GLDN: variants seen among roughly 807,000 people sequenced by gnomAD.
GLDN encodes gliomedin.
Under a neutral mutation model 56.5 loss-of-function variants are expected in GLDN, and 47 were observed. That is an observed-to-expected ratio of 0.83 (90% CI 0.66 to 1.06). The LOEUF (loss-of-function observed/expected upper bound fraction) is 1.06, where lower values mean the gene tolerates loss of function less well. GLDN is among the 50% of genes least tolerant of loss of function. GLDN has a pLI of 0.00. For missense variants in GLDN, 782 were observed against 714.3 expected (o/e 1.09, Z -1.08); for synonymous variants, 332 against 278.8 (o/e 1.19, Z -1.90).
intron 1 of GLDN, chr15:51,377,239 A>G (rs563977142): frequency 9.0e-5 from 51 of 568,840 alleles, no homozygotes; most frequent in African/African-American, 8.8e-4. Flanking sequence ...TTGCAGCTCC[A>G]TTGTAATCTT....
chr15:51,402,799 G>A (rs931790859), intron 9 of GLDN, among the ~76,000 whole-genome samples: 4 of 152,118 alleles, frequency 2.6e-5, no homozygotes, highest in African/African-American at 4.8e-5. Context: ...CGTCAGCCGC[G>A]GCAGGAAGCA....
At chr15:51,399,471 A>G (rs1250475647) in intron 6 of GLDN, among the ~76,000 whole-genome samples, 1 of 152,100 alleles carries the variant, frequency 6.6e-6, no homozygotes, top group African/African-American at 2.4e-5. Flanking sequence ...CTCTTCACCA[A>G]AGGTCTAAAT....
intron 4 of GLDN, among the ~76,000 whole-genome samples, chr15:51,393,943 C>T (rs1276243136): frequency 6.6e-6 from 1 of 152,206 alleles, no homozygotes; most frequent in Admixed American, 6.5e-5. Context: ...CTTAAAGCAA[C>T]TTTACCTGTT....
chr15:51,411,452 CTT>C (rs942388212), downstream of GLDN, among the ~76,000 whole-genome samples: 9 of 152,120 alleles, frequency 5.9e-5, no homozygotes, highest in Non-Finnish European at 1.2e-4. Flanking sequence ...TTTGTGTAGA[CTT>C]TGTGGGCATT....
At chr15:51,355,813 A>G (rs12593535) in intron 1 of GLDN, among the ~76,000 whole-genome samples, 114,655 of 149,490 alleles carry the variant, frequency 0.77, 44,215 homozygotes, top group East Asian at 0.94. Context: ...GTGAGCCACC[A>G]CACCCGGCCC....
chr15:51,408,767 T>G (rs1362546719), downstream of GLDN, among the ~76,000 whole-genome samples: 1 of 152,052 alleles, frequency 6.6e-6, no homozygotes, highest in Non-Finnish European at 1.5e-5. Context: ...CACCTATGAG[T>G]GAGAACATGC....
At chr15:51,408,995 T>TG (rs1461104382), downstream of GLDN, among the ~76,000 whole-genome samples, 8 of 150,476 alleles carry the variant, frequency 5.3e-5, no homozygotes, top group Non-Finnish European at 1.0e-4. Flanking sequence ...TAAACATACG[T>TG]GTGCTTATTC....
chr15:51,349,128 A>G (rs938830217), intron 1 of GLDN, among the ~76,000 whole-genome samples: 11 of 152,262 alleles, frequency 7.2e-5, no homozygotes, highest in African/African-American at 2.7e-4. Flanking sequence ...AGCTGGATTA[A>G]GCAGTAACAC....
At chr15:51,383,346 G>A in intron 2 of GLDN, 90 bp from the exon 3 acceptor site, 1 of 1,362,316 alleles carries the variant, frequency 7.3e-7, no homozygotes, top group Non-Finnish European at 1.0e-6. Flanking sequence ...CTTAGGGTCA[G>A]TAGATAATTA....
At chr15:51,394,132 T>C (rs1200661316) in intron 4 of GLDN, among the ~76,000 whole-genome samples, 1 of 152,226 alleles carries the variant, frequency 6.6e-6, no homozygotes, top group African/African-American at 2.4e-5. Context: ...CTCCAATATG[T>C]TGTGAGGAAT....
chr15:51,383,161 C>G (rs184846488), intron 2 of GLDN, among the ~76,000 whole-genome samples: 10 of 152,318 alleles, frequency 6.6e-5, no homozygotes, highest in African/African-American at 2.4e-4. Context: ...ATTAGGTTGA[C>G]TGCTTGAGAG....
chr15:51,363,087 T>C (rs2037333106), intron 1 of GLDN, among the ~76,000 whole-genome samples: 1 of 152,154 alleles, frequency 6.6e-6, no homozygotes, highest in Non-Finnish European at 1.5e-5. Flanking sequence ...GAGTTCAGTT[T>C]TGAATGTTGT....
downstream of GLDN, among the ~76,000 whole-genome samples, chr15:51,410,744 T>A (rs913518812): frequency 1.1e-4 from 17 of 152,230 alleles, no homozygotes; most frequent in African/African-American, 3.9e-4. Context: ...AGTAAAAATA[T>A]GTCCCAGATA....
At chr15:51,397,425 C>T in intron 5 of GLDN, 45 bp from the exon 6 acceptor site, 1 of 1,049,146 alleles carries the variant, frequency 9.5e-7, no homozygotes, top group Non-Finnish European at 1.3e-6. Flanking sequence ...CTTCCCCCTT[C>T]TACCTCTTGC....
At position 51,400,391 on chromosome 15, in the gene GLDN, T is replaced by C. The variant is rs1351866065; in HGVS notation, c.920T>C (p.Ile307Thr). 2.5e-6 allele frequency: 4 copies of C among 1,614,170 alleles called. No individual in the cohort carries two copies. The highest frequency in any genetic ancestry group is 3.4e-6 in the Non-Finnish European group (4 of 1,180,006). The change falls in exon 8 of 10, where the codon ATT becomes ACT. Residue 307 changes from isoleucine to threonine, a missense_variant. By Grantham distance (89) the Ile-to-Thr change is moderately conservative (BLOSUM62 -1). Transcript: ENST00000335449. ...TTGGCAGAATCCATGATCACTTCCA[T>C]TGGAAACCCAGTGCAAGTACTGAAA... ...SPQAESMITS[I>T]GNPVQVLKVT...
intron 1 of GLDN, among the ~76,000 whole-genome samples, chr15:51,342,679 G>A (rs1404255504): frequency 2.6e-5 from 4 of 152,176 alleles, no homozygotes; most frequent in African/African-American, 9.7e-5. Context: ...TCAATATGGT[G>A]CAATTTTTTT....
Position 51,344,250 on chromosome 15 carries a change from G to A in GLDN, c.363+2203G>A, listed in dbSNP as rs185050797. Among the ~76,000 whole-genome samples the A allele has an allele frequency of 4.0e-3, 608 of 152,282 alleles. 1 individual carries two copies. The highest frequency in any genetic ancestry group is 5.6e-3 in the Non-Finnish European group (382 of 68,032). On this transcript the variant is annotated intron_variant, in intron 1 of 9. Transcript: ENST00000335449. ...TGTTAGGCCACAGCCTGGGGATGGA[G>A]TGCTTATTCTCCAGCAGGAAGGACC...
Position 51,368,356 on chromosome 15 carries a change from T to G in GLDN, c.364-9093T>G, listed in dbSNP as rs116136038. Among the ~76,000 whole-genome samples the G allele has an allele frequency of 4.1e-3, 631 of 152,126 alleles. 6 individuals are homozygous for G. The highest frequency in any genetic ancestry group is 0.014 in the African/African-American group (577 of 41,472). The stretch of plus-strand genomic sequence containing the variant: ...CGCTGCTGGGCACAGAAACGGGCAG[T>G]CAGTAGGGACTGGGCTTTTTGGAAG... On this transcript the variant is annotated intron_variant, in intron 1 of 9. Coordinates refer to ENST00000335449, the MANE Select transcript of GLDN (RefSeq NM_181789.4).
At chr15:51,386,385 A>T (rs1045120008) in intron 4 of GLDN, among the ~76,000 whole-genome samples, 1 of 152,128 alleles carries the variant, frequency 6.6e-6, no homozygotes, top group East Asian at 1.9e-4. Flanking sequence ...TCCTGTTCAC[A>T]CTGCTGAGGC....
Sources: gnomAD v4.1 joint callset for allele counts (sites outside exome capture counted in the v4.1 genomes callset) on GRCh38, gnomAD v4.1.1 for gene constraint, MANE v1.5 for transcripts, NCBI Gene and HGNC (gene_info 2026-07-23, HGNC 2026-07-21) for gene names.